Variants in FCGRT observed in about 807,000 individuals in gnomAD.
The protein encoded by FCGRT is IgG receptor FcRn large subunit p51.
FCGRT carries 13 observed loss-of-function variants against 35.7 expected under a neutral mutation model. That is an observed-to-expected ratio of 0.36 (90% CI 0.24 to 0.58). The LOEUF (loss-of-function observed/expected upper bound fraction) is 0.58. FCGRT is among the 20% of genes least tolerant of loss of function. The pLI is 0.77. For synonymous variants in FCGRT, 233 were observed against 216.5 expected, an observed-to-expected ratio of 1.08 and a Z score of -0.67; for missense variants, 455 against 474.9, an observed-to-expected ratio of 0.96 and a Z score of 0.39.
chr19:49,525,994 C>G lies in FCGRT; in HGVS notation c.989-16C>G, dbSNP rs761265007. The stretch of plus-strand genomic sequence containing the variant: ...TCAGAGATTCTGATGACCTCTCCCT[C>G]TCTCTCTCTCCTCAGCCCCTTGGAT... On this transcript the variant is annotated splice_polypyrimidine_tract_variant and intron_variant, in intron 6 of 6. Transcript: ENST00000221466. 3.9e-6 allele frequency: 6 copies of G among 1,534,638 alleles called. No homozygotes were observed. The highest frequency in any genetic ancestry group is 4.5e-6 in the Non-Finnish European group (5 of 1,108,714).
In FCGRT at chr19:49,526,256, G is replaced by C. The variant is rs182898375; in HGVS notation, c.*137G>C. On this transcript the variant is annotated 3_prime_UTR_variant, in exon 7 of 7. Coordinates refer to ENST00000221466, the MANE Select transcript of FCGRT (RefSeq NM_001136019.3). ...TGTCCTCCCTCTGGAGCCCCGTCCT[G>C]TGGTCTGCCTCAGTTTCCCCTCCTA... 824 of 640,138 alleles carry C rather than the reference G, an allele frequency of 1.3e-3. 2 individuals are homozygous for C. Among genetic ancestry groups the C allele is most frequent in the Non-Finnish European group, 2.0e-3 (716 of 359,950 alleles). 39.7% of individuals were successfully genotyped at this position (640,138 alleles called of 1,614,324 possible).
intron 5 of FCGRT, chr19:49,525,037 A>T: frequency 1.6e-6 from 1 of 635,240 alleles, no homozygotes; most frequent in Non-Finnish European, 2.9e-6. Flanking sequence ...CCTGAGTCTG[A>T]CCATCTTCCA....
chr19:49,517,823 G>A (rs551223819), intron 4 of FCGRT, among the ~76,000 whole-genome samples: 1 of 152,210 alleles, frequency 6.6e-6, no homozygotes, highest in South Asian at 2.1e-4. Context: ...CTCCTGAGTA[G>A]CTGGGATTAC....
Position 49,524,615 on chromosome 19 carries a change from G to A in FCGRT, c.710G>A (p.Arg237Gln), listed in dbSNP as rs147601685. ...CCGGAGCTGCAACTTCGGTTCCTGC[G>A]GAATGGGCTGGCCGCTGGCACCGGC... ...YPPELQLRFL[R>Q]NGLAAGTGQG... The change falls in exon 5 of 7, where the codon CGG (arginine) becomes CAG (glutamine). Residue 237 changes from arginine to glutamine, a missense_variant. Around this residue, in one of 3 missense-constraint regions of FCGRT, gnomAD observed 312 missense variants for 296.1 expected, o/e 1.05. Transcript: ENST00000221466. 7.9e-5 allele frequency: 127 copies of A among 1,610,878 alleles called. No individual in the cohort carries two copies. In the East Asian group the frequency reaches 2.7e-3, roughly 34 times the overall value.
chr19:49,525,658 CAG>C (rs55662447), intron 6 of FCGRT, 85 bp downstream of exon 6: 58,903 of 914,482 alleles, frequency 0.064, 2,345 homozygotes, highest in Middle Eastern at 0.14. Context: ...GACAGAGACC[CAG>C]AGAGGGGGGA....
At chr19:49,524,380 C>T (rs1393080289) in intron 4 of FCGRT, 127 bp from the exon 5 acceptor site, 1 of 1,067,516 alleles carries the variant, frequency 9.4e-7, no homozygotes, top group East Asian at 2.4e-5. Flanking sequence ...AAGTGCCTCC[C>T]CTTTTACCAC....
At chr19:49,514,520 C>T (rs1236314062) in intron 4 of FCGRT, 34 bp downstream of exon 4, 61 of 1,514,742 alleles carry the variant, frequency 4.0e-5, no homozygotes, top group Non-Finnish European at 5.2e-5. Flanking sequence ...GCTGTTCTGT[C>T]CTCTCTCCCG....
At chr19:49,524,312 A>G (rs1250890292) in intron 4 of FCGRT, among the ~76,000 whole-genome samples, 195 bp from the exon 5 acceptor site, 1 of 152,262 alleles carries the variant, frequency 6.6e-6, no homozygotes, top group East Asian at 1.9e-4. Flanking sequence ...CAGCCCAAGG[A>G]GGTGACATCT....
In FCGRT at chr19:49,525,541, T is replaced by C; in HGVS notation, c.956T>C (p.Leu319Pro). The change falls in exon 6 of 7, where the codon CTG becomes CCG. Residue 319 changes from leucine (L) to proline (P), a missense_variant. Physicochemically the swap from Leu to Pro is moderately conservative, Grantham distance 98. This residue lies in a region of FCGRT where 312 missense variants were observed against 296.1 expected (regional missense o/e 1.05). Coordinates refer to ENST00000221466, the MANE Select transcript of FCGRT (RefSeq NM_001136019.3). Reference protein sequence around the residue: ...LLTAAAVGGALLWRRMRSGLP... With the variant: ...LLTAAAVGGAPLWRRMRSGLP... ...ACGGCAGCGGCTGTAGGAGGAGCTC[T>C]GTTGTGGAGAAGGATGAGGAGTGGG... 4.3e-6 allele frequency: 7 copies of C among 1,613,334 alleles called. No homozygotes were observed. Among genetic ancestry groups the C allele is most frequent in the Non-Finnish European group, 5.9e-6 (7 of 1,179,840 alleles).
chr19:49,513,735 T>TGGGGGGGGGGGG, intron 2 of FCGRT, 147 bp from the exon 3 acceptor site: 1 of 497,274 alleles, frequency 2.0e-6, no homozygotes, highest in Admixed American at 2.9e-5. Context: ...TCTGGGTCTC[T>TGGGGGGGGGGGG]GTCCCCCCCC....
chr19:49,525,739 G>A (rs890666748), intron 6 of FCGRT, among the ~76,000 whole-genome samples, 166 bp downstream of exon 6: 6 of 151,512 alleles, frequency 4.0e-5, no homozygotes, highest in Non-Finnish European at 8.8e-5. Context: ...AGAGGGGGAC[G>A]GAGACAGAGA....
chr19:49,514,577 T>G, intron 4 of FCGRT, 91 bp downstream of exon 4: 2 of 1,264,690 alleles, frequency 1.6e-6, no homozygotes, highest in Non-Finnish European at 2.1e-6. Context: ...TCCATCAGCC[T>G]CCCACTGCAG....
chr19:49,518,866 G>A (rs918144247), intron 4 of FCGRT, among the ~76,000 whole-genome samples: 3 of 150,010 alleles, frequency 2.0e-5, no homozygotes, highest in East Asian at 3.9e-4. Flanking sequence ...TTTTGGAGAC[G>A]GAGTCTCGCT....
At chr19:49,513,714 G>GTCTCTCTCTC (rs139316391) in intron 2 of FCGRT, 168 bp from the exon 3 acceptor site, 17,594 of 531,052 alleles carry the variant, frequency 0.033, 688 homozygotes, top group African/African-American at 0.071. Flanking sequence ...TGGGTCTCTT[G>GTCTCTCTCTC]TCTCTCTCTC....
rs772674361 is a variant in FCGRT at position 49,526,126 on chromosome 19, G to A, written c.*7G>A. The A allele has an allele frequency of 4.4e-6, 7 of 1,580,936 alleles. No homozygotes were observed. Among genetic ancestry groups the A allele is most frequent in the Admixed American group, 1.7e-5 (1 of 59,920 alleles). ...GATTCCAGCCACCGCCTGACCATCCGCCATTCCGACTGCTAAAAGCGAATG... is the reference window on the plus strand; with the variant it reads ...GATTCCAGCCACCGCCTGACCATCCACCATTCCGACTGCTAAAAGCGAATG... On this transcript the variant is annotated 3_prime_UTR_variant, in exon 7 of 7. Transcript: ENST00000221466.
At chr19:49,524,358 C>A in intron 4 of FCGRT, 149 bp from the exon 5 acceptor site, 1 of 873,252 alleles carries the variant, frequency 1.1e-6, no homozygotes, top group Non-Finnish European at 1.8e-6. Context: ...GGTTGAGTCT[C>A]TGTCACCTAG....
intron 4 of FCGRT, among the ~76,000 whole-genome samples, chr19:49,522,856 C>T (rs2080050258): frequency 6.8e-6 from 1 of 146,216 alleles, no homozygotes; most frequent in Admixed American, 7.0e-5. Context: ...CGGCTCACTG[C>T]AAGCTCCGCC....
intron 4 of FCGRT, chr19:49,521,662 C>T (rs951422728): frequency 1.3e-5 from 2 of 149,978 alleles, no homozygotes; most frequent in African/African-American, 4.9e-5. Flanking sequence ...AGCCATTGCA[C>T]CCGGCTTTTT....
At chr19:49,525,215 G>A (rs2080067062) in intron 5 of FCGRT, 2 of 530,620 alleles carry the variant, frequency 3.8e-6, no homozygotes, top group Non-Finnish European at 3.5e-6. Flanking sequence ...CACTGGCACA[G>A]CCCCGCCTTG....
Sources: gnomAD v4.1 joint callset for allele counts (sites outside exome capture counted in the v4.1 genomes callset) on GRCh38, gnomAD v4.1.1 for gene constraint, gnomAD v4.1.1 regional missense constraint, MANE v1.5 for transcripts, NCBI Gene and HGNC (gene_info 2026-07-23, HGNC 2026-07-21) for gene names.